Variants in CNTN3 observed in about 807,000 individuals in gnomAD.
CNTN3 encodes contactin-3.
In CNTN3, 60 loss-of-function variants were observed where a neutral mutation model predicts 119.1. The ratio of observed to expected loss-of-function variants is 0.50; its 90% CI spans 0.41 to 0.62. The LOEUF (loss-of-function observed/expected upper bound fraction) is 0.62. Ranked by LOEUF, CNTN3 falls within the 20% of genes least tolerant of loss-of-function variation. The pLI, the probability that CNTN3 is intolerant of heterozygous loss-of-function variation, is 0.00. For synonymous variants in CNTN3, 450 were observed against 438.7 expected (o/e 1.03, Z -0.32); for missense variants, 1,101 against 1,242.4 (o/e 0.89, Z 1.71).
chr3:74,371,227 G>C lies in CNTN3; in HGVS notation c.627C>G (p.Gly209=). The change falls in exon 6 of 23, where the codon GGC becomes GGG. Residue 209 remains glycine (G), a synonymous_variant. Transcript: ENST00000263665. ...AACGTAGCACCAAAGGAGTTGGAGA[G>C]CCCAGCACTCGGGCATTTGTCACCA... The part of the protein sequence containing the change: ...TSMVTNARVL[G]SPTPLVLRSD... 6.2e-7 allele frequency: 1 copy of C among 1,613,322 alleles called. No individual in the cohort carries two copies. The highest frequency in any genetic ancestry group is 8.5e-7 in the Non-Finnish European group (1 of 1,179,572).
rs191917163 is a variant in CNTN3 at position 74,469,805 on chromosome 3, G to T, written c.358+16651C>A. Among the ~76,000 whole-genome samples, 147 of 152,202 alleles carry T rather than the reference G, an allele frequency of 9.7e-4. 1 individual carries two copies. Among genetic ancestry groups the T allele is most frequent in the African/African-American group, 3.5e-3 (145 of 41,532 alleles). ...AACAGTCTGCCGTTTACTTAAAAAC[G>T]TTAAATGTAGAGTTATCCTAAAACC... On this transcript the variant is annotated intron_variant, in intron 4 of 22. Transcript: ENST00000263665.
At position 74,365,418 on chromosome 3, in the gene CNTN3, G is replaced by C; in HGVS notation, c.1083+148C>G. 3 of 987,962 alleles carry C rather than the reference G, an allele frequency of 3.0e-6. No individual in the cohort carries two copies. In the South Asian group the frequency reaches 4.4e-5, roughly 14 times the overall value. 61.2% of individuals were successfully genotyped at this position (987,962 alleles called of 1,614,324 possible). On this transcript the variant is annotated intron_variant, in intron 9 of 22. Coordinates refer to ENST00000263665, the MANE Select transcript of CNTN3 (RefSeq NM_020872.3). Reference sequence around the variant, plus strand: ...TACTTGATTTGATATTTTTCCTCCTGTACCACTGCTTAGAAGTAAAGGAAA... The same window carrying C: ...TACTTGATTTGATATTTTTCCTCCTCTACCACTGCTTAGAAGTAAAGGAAA...
chr3:74,273,829 A>G (rs1279580058), intron 20 of CNTN3, among the ~76,000 whole-genome samples: 2 of 152,116 alleles, frequency 1.3e-5, no homozygotes, highest in East Asian at 3.9e-4. Flanking sequence ...TGGGGGAGAG[A>G]GTGAATCTGG....
In CNTN3 at chr3:74,477,379, A is replaced by G. The variant is rs1200744690; in HGVS notation, c.358+9077T>C. On this transcript the variant is annotated intron_variant, in intron 4 of 22. Coordinates refer to ENST00000263665, the MANE Select transcript of CNTN3 (RefSeq NM_020872.3). ...GGCAAAATAAACACACTTTAAGACC[A>G]AAGAGGAAAAGAGATGAAAAATAAA... Among the ~76,000 whole-genome samples, 17 of 152,288 alleles carry G rather than the reference A, an allele frequency of 1.1e-4. No homozygotes were observed. The South Asian group carries it at 3.5e-3, about 32-fold the overall frequency.
rs1305895682 is a variant in CNTN3, at chr3:74,561,172, T to C, written c.-80-39980A>G. On this transcript the variant is annotated intron_variant, in intron 1 of 22. Transcript: ENST00000263665. Reference sequence around the variant, plus strand: ...CACATGTACCCTAGAACTTAAAGCATAATAAAAAAAAAATAAAAAAAAATA... The same window carrying C: ...CACATGTACCCTAGAACTTAAAGCACAATAAAAAAAAAATAAAAAAAAATA... Among the ~76,000 whole-genome samples, 3 of 146,164 alleles carry C rather than the reference T, an allele frequency of 2.1e-5. No individual in the cohort carries two copies. In the East Asian group the frequency reaches 6.0e-4, roughly 29 times the overall value.
At chr3:74,412,125 G>C (rs1049232013) in intron 5 of CNTN3, among the ~76,000 whole-genome samples, 6 of 152,156 alleles carry the variant, frequency 3.9e-5, no homozygotes, top group African/African-American at 1.4e-4. Context: ...CTGGAACTGA[G>C]CTTTAGCTGA....
chr3:74,409,248 C>T (rs1701397398), intron 5 of CNTN3, among the ~76,000 whole-genome samples: 1 of 152,128 alleles, frequency 6.6e-6, no homozygotes, highest in Non-Finnish European at 1.5e-5. Flanking sequence ...AACAGCCAAG[C>T]ACACAACTGG....
intron 13 of CNTN3, among the ~76,000 whole-genome samples, chr3:74,322,180 A>G (rs1703012335): frequency 6.6e-6 from 1 of 151,848 alleles, no homozygotes; most frequent in African/African-American, 2.4e-5. Context: ...AAAAAAAAAA[A>G]AAAAAAAAGA....
intron 1 of CNTN3, among the ~76,000 whole-genome samples, chr3:74,554,884 C>T (rs145208837): frequency 0.027 from 4,162 of 152,256 alleles, 92 homozygotes; most frequent in Non-Finnish European, 0.041. Flanking sequence ...TTCTTCTCTT[C>T]CTATCTGAAT....
In CNTN3 at chr3:74,507,421, G is replaced by GAA. The variant is rs67370797; in HGVS notation, c.56-7638_56-7637dup. 3.4e-3 allele frequency among the ~76,000 whole-genome samples: 474 copies of GAA among 139,072 alleles called. 1 individual carries two copies. The highest frequency in any genetic ancestry group is 4.7e-3 in the Non-Finnish European group (308 of 65,080). 91.2% of individuals were successfully genotyped at this position (139,072 alleles called of 152,430 possible). ...CAACAGAGTGAGACCCCATCTCTAAGAAAAAAAAAAAAAAGAACTAATACG... is the reference window on the plus strand; with the variant it reads ...CAACAGAGTGAGACCCCATCTCTAAGAAAAAAAAAAAAAAAAGAACTAATACG... On this transcript the variant is annotated intron_variant, in intron 2 of 22. Transcript: ENST00000263665.
chr3:74,349,151 G>T (rs570018113), intron 11 of CNTN3, among the ~76,000 whole-genome samples: 1 of 151,972 alleles, frequency 6.6e-6, no homozygotes, highest in Non-Finnish European at 1.5e-5. Flanking sequence ...AACAGTAGAT[G>T]TTAAATAAAT....
At chr3:74,389,426 C>G (rs914306204) in intron 5 of CNTN3, among the ~76,000 whole-genome samples, 2 of 152,088 alleles carry the variant, frequency 1.3e-5, no homozygotes, top group Admixed American at 1.3e-4. Context: ...CCCAAAAGGC[C>G]TGTAGCATTA....
At chr3:74,588,635 C>A (rs1038404910) in intron 1 of CNTN3, among the ~76,000 whole-genome samples, 10 of 152,034 alleles carry the variant, frequency 6.6e-5, no homozygotes, top group African/African-American at 2.4e-4. Context: ...CAAAAAAGAG[C>A]CCGCATCACC....
At chr3:74,435,636 T>C (rs910040784) in intron 4 of CNTN3, among the ~76,000 whole-genome samples, 1 of 152,236 alleles carries the variant, frequency 6.6e-6, no homozygotes, top group African/African-American at 2.4e-5. Context: ...AATAGATGGA[T>C]GGCTTTGCTA....
chr3:74,501,146 T>C (rs1346786264), intron 2 of CNTN3, among the ~76,000 whole-genome samples: 1 of 151,616 alleles, frequency 6.6e-6, no homozygotes, highest in East Asian at 1.9e-4. Context: ...CACTAGATCT[T>C]AGGGTGGGGC....
At chr3:74,547,464 AG>A (rs1225056734) in intron 1 of CNTN3, among the ~76,000 whole-genome samples, 1 of 152,216 alleles carries the variant, frequency 6.6e-6, no homozygotes, top group African/African-American at 2.4e-5. Flanking sequence ...AAGTTATAAT[AG>A]AAAAAACATT....
chr3:74,453,974 A>C (rs1484530967), intron 4 of CNTN3, among the ~76,000 whole-genome samples: 1 of 151,042 alleles, frequency 6.6e-6, no homozygotes, highest in African/African-American at 2.4e-5. Flanking sequence ...GTGCTGAAAA[A>C]AATGTATGTT....
chr3:74,450,513 T>C (rs1360969821), intron 4 of CNTN3, among the ~76,000 whole-genome samples: 2 of 151,970 alleles, frequency 1.3e-5, no homozygotes, highest in Non-Finnish European at 1.5e-5. Flanking sequence ...TTTTTTTTTT[T>C]TTTTAATTAT....
intron 4 of CNTN3, among the ~76,000 whole-genome samples, chr3:74,431,288 TC>T (rs1701779582): frequency 6.6e-6 from 1 of 152,136 alleles, no homozygotes; most frequent in African/African-American, 2.4e-5. Flanking sequence ...CTGTGCTCAA[TC>T]TTTTTCCCCT....
Sources: allele counts gnomAD v4.1 joint callset (sites outside exome capture counted in the v4.1 genomes callset), GRCh38; gene constraint gnomAD v4.1.1; transcripts MANE v1.5; gene names NCBI Gene and HGNC (gene_info 2026-07-23, HGNC 2026-07-21).